Variants in SINHCAF observed in about 807,000 individuals in gnomAD.
SINHCAF encodes the protein SIN3-HDAC complex associated factor, also known as SIN3-HDAC complex-associated factor.
A neutral mutation model predicts 25.8 loss-of-function variants in SINHCAF; 3 were observed. That is an observed-to-expected ratio of 0.12 (90% CI 0.05 to 0.30). SINHCAF has a LOEUF of 0.30. SINHCAF is among the 10% of genes least tolerant of loss of function. The pLI is 1.00. For synonymous variants in SINHCAF, 70 were observed against 85.5 expected (o/e 0.82, Z 1.00); for missense variants, 121 against 262.3 (o/e 0.46, Z 3.72).
chr12:31,298,020 C>T, intron 2 of SINHCAF, 57 bp downstream of exon 2: 7 of 1,507,966 alleles, frequency 4.6e-6, no homozygotes, highest in Non-Finnish European at 5.5e-6. Context: ...ACAAATATTT[C>T]TGTATGCTGT....
chr12:31,297,375 G>C (rs1195682427), intron 2 of SINHCAF, among the ~76,000 whole-genome samples: 1 of 151,716 alleles, frequency 6.6e-6, no homozygotes, highest in East Asian at 1.9e-4. Flanking sequence ...GCCCAGGCTG[G>C]TTTCAAGCTC....
chr12:31,285,174 G>A (rs1272421835), intron 5 of SINHCAF, among the ~76,000 whole-genome samples: 1 of 151,888 alleles, frequency 6.6e-6, no homozygotes, highest in Non-Finnish European at 1.5e-5. Flanking sequence ...GATCACCTGA[G>A]GTCAGGAGTT....
At chr12:31,318,554 T>C (rs542292386) in intron 1 of SINHCAF, among the ~76,000 whole-genome samples, 1 of 152,114 alleles carries the variant, frequency 6.6e-6, no homozygotes, top group Non-Finnish European at 1.5e-5. Flanking sequence ...AAACAAGTCT[T>C]CAACTGAAAT....
At chr12:31,318,717 G>GAA (rs796288937) in intron 1 of SINHCAF, among the ~76,000 whole-genome samples, 1 of 146,662 alleles carries the variant, frequency 6.8e-6, no homozygotes. Flanking sequence ...TCCAGTACAT[G>GAA]AAAAAAAAAA....
intron 4 of SINHCAF, among the ~76,000 whole-genome samples, chr12:31,290,426 G>A (rs1421392079): frequency 3.3e-5 from 5 of 151,744 alleles, no homozygotes; most frequent in African/African-American, 1.2e-4. Context: ...TCAAGAAAAC[G>A]TTTTCTGAAT....
intron 1 of SINHCAF, among the ~76,000 whole-genome samples, chr12:31,313,822 G>A (rs534361164): frequency 6.6e-6 from 1 of 151,992 alleles, no homozygotes; most frequent in Non-Finnish European, 1.5e-5. Flanking sequence ...CTAATTTTTT[G>A]TATTTTTAGT....
In SINHCAF at chr12:31,324,018, G is replaced by A. The variant is rs754157048; in HGVS notation, c.-21+2006C>T. 56 of 455,674 alleles carry A rather than the reference G, an allele frequency of 1.2e-4. 1 individual carries two copies. The highest frequency in any genetic ancestry group is 8.5e-4 in the South Asian group (55 of 64,538). 28.2% of individuals were successfully genotyped at this position (455,674 alleles called of 1,614,324 possible). A position where few individuals can be genotyped will look rare whatever the true frequency, so the allele number is the denominator to read the frequency against. ...AGACGCCGAGCCAGCAAGTAAGAAT[G>A]CTCCCTGGTGGATTTGTTGGTAAAT... On this transcript the variant is annotated intron_variant, in intron 1 of 5. Coordinates refer to ENST00000337682, the MANE Select transcript of SINHCAF (RefSeq NM_001135812.2). This position sits in a 1 kb window ranked among gnomAD's most constrained non-coding sequence, Gnocchi z 5.5.
intron 1 of SINHCAF, chr12:31,311,768 G>T: frequency 2.0e-6 from 1 of 500,606 alleles, no homozygotes; most frequent in South Asian, 1.7e-5. Context: ...TCTGGAGAAA[G>T]CCAGCCTAAC....
intron 5 of SINHCAF, among the ~76,000 whole-genome samples, chr12:31,283,855 TACACACACACACACACAC>T (rs57162055): frequency 3.6e-5 from 5 of 140,480 alleles, no homozygotes; most frequent in African/African-American, 2.6e-5. Context: ...AGTTATCCAT[TACACACACACACACACAC>T]ACACACACAC....
chr12:31,316,648 C>T (rs995253575), intron 1 of SINHCAF, among the ~76,000 whole-genome samples: 1 of 152,176 alleles, frequency 6.6e-6, no homozygotes, highest in Non-Finnish European at 1.5e-5. Context: ...AAGAGTTTCA[C>T]AGCGATAGTT....
At chr12:31,302,900 A>C in intron 1 of SINHCAF, 1 of 982,528 alleles carries the variant, frequency 1.0e-6, no homozygotes, top group Non-Finnish European at 1.2e-6. Flanking sequence ...TTACAAATGC[A>C]CAAAGGGTCA....
chr12:31,312,193 T>C (rs531214358), intron 1 of SINHCAF, among the ~76,000 whole-genome samples: 2 of 152,254 alleles, frequency 1.3e-5, no homozygotes, highest in Non-Finnish European at 2.9e-5. Context: ...GCTTCTTTTG[T>C]TCAACATTTG....
In SINHCAF at chr12:31,296,188, C is replaced by A. The variant is rs575421423; in HGVS notation, c.129-855G>T. 1.6e-3 allele frequency among the ~76,000 whole-genome samples: 240 copies of A among 152,004 alleles called. 1 individual carries two copies. Among genetic ancestry groups the A allele is most frequent in the African/African-American group, 5.2e-3 (214 of 41,476 alleles). ...TTTTTGGTGGGGGCGTGGGGGTGAA[C>A]AGGATCTCACTCTGTCACGCAGGCT... On this transcript the variant is annotated intron_variant, in intron 2 of 5. Transcript: ENST00000337682.
At chr12:31,308,568 A>C (rs1460006671) in intron 1 of SINHCAF, among the ~76,000 whole-genome samples, 2 of 152,206 alleles carry the variant, frequency 1.3e-5, no homozygotes, top group African/African-American at 4.8e-5. Flanking sequence ...AGTAAGTACA[A>C]GTTTTCTTCT....
At chr12:31,286,598 G>C (rs1446279384) in intron 5 of SINHCAF, among the ~76,000 whole-genome samples, 1 of 151,656 alleles carries the variant, frequency 6.6e-6, no homozygotes, top group Non-Finnish European at 1.5e-5. Context: ...GGGAGGCAGA[G>C]GCTGCAGTGA....
At chr12:31,313,641 T>G (rs192436457) in intron 1 of SINHCAF, among the ~76,000 whole-genome samples, 16 of 152,260 alleles carry the variant, frequency 1.1e-4, no homozygotes, top group South Asian at 2.1e-4. Context: ...TTAAATGTTT[T>G]TTTGTTTGTT....
chr12:31,298,280 T>G, intron 1 of SINHCAF, 56 bp from the exon 2 acceptor site: 1 of 1,597,228 alleles, frequency 6.3e-7, no homozygotes, highest in East Asian at 2.2e-5. Context: ...AAGGAACCAT[T>G]AAAGAGTTCT....
intron 1 of SINHCAF, chr12:31,304,104 A>T (rs1016730522): frequency 1.5e-5 from 2 of 132,534 alleles, no homozygotes; most frequent in Middle Eastern, 3.8e-3. Flanking sequence ...TAGGCGAAAG[A>T]GCAAGACTCT....
intron 5 of SINHCAF, among the ~76,000 whole-genome samples, chr12:31,285,194 C>A (rs546294834): frequency 1.3e-5 from 2 of 152,152 alleles, no homozygotes; most frequent in African/African-American, 4.8e-5. Flanking sequence ...TCACTATCAG[C>A]CTGGCCAGCA....
Sources: allele counts gnomAD v4.1 joint callset (sites outside exome capture counted in the v4.1 genomes callset), GRCh38; gene constraint gnomAD v4.1.1; non-coding constraint Gnocchi (gnomAD v3.1); transcripts MANE v1.5; gene names NCBI Gene and HGNC (gene_info 2026-07-23, HGNC 2026-07-21).